The following NLGN1 variants were observed in gnomAD, a reference collection of about 807,000 sequenced individuals.
The protein encoded by NLGN1 is neuroligin 1.
NLGN1 carries 12 observed loss-of-function variants against 65.5 expected under a neutral mutation model. The observed-to-expected ratio is 0.18, with a 90% CI of 0.12 to 0.30. The LOEUF (loss-of-function observed/expected upper bound fraction) is 0.30, where lower values mean the gene tolerates loss of function less well. Among genes scored for constraint, NLGN1 ranks in the 10% least tolerant of loss-of-function variants. The pLI is 1.00. For missense variants in NLGN1, 750 were observed against 1,007.1 expected (o/e 0.74, Z 3.46); for synonymous variants, 350 against 359.5 (o/e 0.97, Z 0.30).
intron 4 of NLGN1, among the ~76,000 whole-genome samples, chr3:173,896,687 T>C (rs956246846): frequency 3.3e-5 from 5 of 152,150 alleles, no homozygotes; most frequent in African/African-American, 9.7e-5. Flanking sequence ...CAGTCTCTGG[T>C]CACAGTTCTC....
chr3:173,885,038 C>T (rs1204907616), intron 4 of NLGN1, among the ~76,000 whole-genome samples: 1 of 152,038 alleles, frequency 6.6e-6, no homozygotes, highest in South Asian at 2.1e-4. Flanking sequence ...AAAGTCCCCA[C>T]CTTTGAATAG....
intron 4 of NLGN1, among the ~76,000 whole-genome samples, chr3:174,223,048 G>A (rs1030168432): frequency 6.6e-6 from 1 of 151,962 alleles, no homozygotes; most frequent in African/African-American, 2.4e-5. Flanking sequence ...CCAGAGAGGA[G>A]GTCAGACAAT....
intron 4 of NLGN1, among the ~76,000 whole-genome samples, chr3:173,819,901 C>T (rs1420368123): frequency 1.3e-5 from 2 of 152,134 alleles, no homozygotes; most frequent in African/African-American, 4.8e-5. Context: ...GAAAGAGTGG[C>T]TGGTGGTATG....
chr3:173,735,105 G>A lies in NLGN1; in HGVS notation c.494-72575G>A, dbSNP rs527994131. Among the ~76,000 whole-genome samples, 4 of 152,172 alleles carry A rather than the reference G, an allele frequency of 2.6e-5. No homozygotes were observed. In the East Asian group the frequency reaches 7.7e-4, roughly 29 times the overall value. On this transcript the variant is annotated intron_variant, in intron 3 of 6. Transcript: ENST00000457714. ...GAATGAACTTCAGTTGCCCTTATGAGCTCTATTAATTTGCATGTCCATAGT... is the reference window on the plus strand; with the variant it reads ...GAATGAACTTCAGTTGCCCTTATGAACTCTATTAATTTGCATGTCCATAGT...
At chr3:173,987,538 A>G (rs1720212482) in intron 4 of NLGN1, among the ~76,000 whole-genome samples, 1 of 152,198 alleles carries the variant, frequency 6.6e-6, no homozygotes, top group Admixed American at 6.5e-5. Flanking sequence ...CTTGAATCCA[A>G]AACTTTGTGA....
chr3:173,696,492 C>T (rs2149849364), intron 3 of NLGN1, among the ~76,000 whole-genome samples: 1 of 152,208 alleles, frequency 6.6e-6, no homozygotes, highest in Non-Finnish European at 1.5e-5. Context: ...TCAAGAGATC[C>T]AGCCCATTGC....
chr3:173,554,561 G>T (rs1249369084), intron 2 of NLGN1, among the ~76,000 whole-genome samples: 1 of 152,160 alleles, frequency 6.6e-6, no homozygotes, highest in Admixed American at 6.5e-5. Flanking sequence ...CAGTAGAAAT[G>T]AATTGTGTTT....
chr3:173,907,547 G>T (rs1365758678), intron 4 of NLGN1, among the ~76,000 whole-genome samples: 2 of 150,040 alleles, frequency 1.3e-5, no homozygotes, highest in African/African-American at 4.9e-5. Context: ...GGATCCAGGA[G>T]AAGGCGTATC....
intron 4 of NLGN1, among the ~76,000 whole-genome samples, chr3:173,990,141 G>C (rs577016021): frequency 6.6e-6 from 1 of 152,208 alleles, no homozygotes; most frequent in South Asian, 2.1e-4. Context: ...TACTCTGTTG[G>C]GTGATTATAA....
intron 2 of NLGN1, among the ~76,000 whole-genome samples, chr3:173,444,708 ATATTGCAGTGTCTATC>A (rs1719853093): frequency 6.6e-6 from 1 of 152,078 alleles, no homozygotes; most frequent in Non-Finnish European, 1.5e-5. Flanking sequence ...TCACAACTAT[ATATTGCAGTGTCTATC>A]TATCTATCTA....
At chr3:173,884,889 GA>G (rs929882895) in intron 4 of NLGN1, among the ~76,000 whole-genome samples, 1 of 152,060 alleles carries the variant, frequency 6.6e-6, no homozygotes, top group Non-Finnish European at 1.5e-5. Context: ...GCCCCTTGTT[GA>G]GATAGCCTCT....
At chr3:173,747,241 TTAAG>T (rs1468348311) in intron 3 of NLGN1, among the ~76,000 whole-genome samples, 6 of 146,206 alleles carry the variant, frequency 4.1e-5, no homozygotes, top group Non-Finnish European at 7.5e-5. Context: ...ATATATATCT[TTAAG>T]TATATATATT....
chr3:174,034,650 C>A (rs1440330537), intron 4 of NLGN1, among the ~76,000 whole-genome samples: 1 of 151,870 alleles, frequency 6.6e-6, no homozygotes, highest in East Asian at 1.9e-4. Flanking sequence ...ATACTGTAAA[C>A]TCTAAGCTAA....
At chr3:173,813,896 A>G (rs909115525) in intron 4 of NLGN1, among the ~76,000 whole-genome samples, 5 of 152,256 alleles carry the variant, frequency 3.3e-5, no homozygotes, top group African/African-American at 1.2e-4. Flanking sequence ...TTGAAACGTG[A>G]CAATACAGGA....
chr3:174,286,302 C>T (rs1399184517), exon 7 of NLGN1: 2 of 151,296 alleles, frequency 1.3e-5, no homozygotes, highest in African/African-American at 4.8e-5. Flanking sequence ...AACCAAATTG[C>T]TAGCAGTTTT....
chr3:173,859,659 T>C (rs1728684472), intron 4 of NLGN1, among the ~76,000 whole-genome samples: 1 of 152,080 alleles, frequency 6.6e-6, no homozygotes, highest in African/African-American at 2.4e-5. Context: ...CACTGAAAAA[T>C]TGAATTTTTC....
chr3:173,989,844 A>T (rs1720728605), intron 4 of NLGN1, among the ~76,000 whole-genome samples: 1 of 152,108 alleles, frequency 6.6e-6, no homozygotes, highest in Non-Finnish European at 1.5e-5. Flanking sequence ...CCAAGAAGGG[A>T]GGGAAGGGGC....
chr3:173,711,573 C>G (rs1768998039), intron 3 of NLGN1, among the ~76,000 whole-genome samples: 1 of 152,108 alleles, frequency 6.6e-6, no homozygotes, highest in African/African-American at 2.4e-5. Context: ...CATCAAAGCT[C>G]ATTAGTTTCA....
At chr3:173,959,876 A>G (rs1713104942) in intron 4 of NLGN1, among the ~76,000 whole-genome samples, 1 of 152,124 alleles carries the variant, frequency 6.6e-6, no homozygotes, top group Admixed American at 6.5e-5. Flanking sequence ...CTTTTAAACC[A>G]CTATGGCCTA....
Sources: gnomAD v4.1 joint callset for allele counts (sites outside exome capture counted in the v4.1 genomes callset) on GRCh38, gnomAD v4.1.1 for gene constraint, MANE v1.5 for transcripts, NCBI Gene and HGNC (gene_info 2026-07-23, HGNC 2026-07-21) for gene names.